Variants in HECW2 observed in about 807,000 individuals in gnomAD.
HECW2 encodes the protein E3 ubiquitin-protein ligase HECW2.
A neutral mutation model predicts 175.2 loss-of-function variants in HECW2; 61 were observed. The observed-to-expected ratio is 0.35, with a 90% CI of 0.28 to 0.43. The LOEUF is 0.43. Ranked by LOEUF, HECW2 falls within the 20% of genes least tolerant of loss-of-function variation. HECW2 has a pLI of 1.00. For missense variants in HECW2, 1,524 were observed against 2,000.5 expected, an observed-to-expected ratio of 0.76 and a Z score of 4.54; for synonymous variants, 671 against 731.0, an observed-to-expected ratio of 0.92 and a Z score of 1.32.
chr2:196,223,155 C>T (rs954090879), intron 23 of HECW2, among the ~76,000 whole-genome samples: 1 of 152,110 alleles, frequency 6.6e-6, no homozygotes, highest in Admixed American at 6.5e-5. Context: ...GTCACTACCC[C>T]CAGGAGCTAA....
intron 1 of HECW2, among the ~76,000 whole-genome samples, chr2:196,591,425 G>A (rs967384739): frequency 1.3e-5 from 2 of 152,158 alleles, no homozygotes; most frequent in Non-Finnish European, 2.9e-5. Flanking sequence ...GAAGCAGCAC[G>A]ATTATTTTTA....
At chr2:196,566,927 T>G (rs1310306728) in intron 1 of HECW2, among the ~76,000 whole-genome samples, 1 of 152,152 alleles carries the variant, frequency 6.6e-6, no homozygotes, top group Non-Finnish European at 1.5e-5. Context: ...TAAGTAACTC[T>G]GGCAGATTGC....
intron 1 of HECW2, among the ~76,000 whole-genome samples, chr2:196,583,394 A>G (rs1042761523): frequency 1.2e-4 from 19 of 152,206 alleles, no homozygotes; most frequent in Non-Finnish European, 2.5e-4. Flanking sequence ...AGTTCTGATG[A>G]TTTAAAATGA....
At chr2:196,536,075 T>A (rs1024335098) in intron 1 of HECW2, among the ~76,000 whole-genome samples, 7 of 152,178 alleles carry the variant, frequency 4.6e-5, no homozygotes, top group Non-Finnish European at 8.8e-5. Flanking sequence ...AAAGGTAATG[T>A]GTGCCCTTAG....
chr2:196,483,072 A>C (rs1686895031), intron 1 of HECW2, among the ~76,000 whole-genome samples: 1 of 146,780 alleles, frequency 6.8e-6, no homozygotes, highest in Admixed American at 6.9e-5. Context: ...AACATCCACA[A>C]TGTGTGTTGA....
intron 2 of HECW2, among the ~76,000 whole-genome samples, chr2:196,427,612 A>G (rs1419378610): frequency 6.6e-6 from 1 of 152,146 alleles, no homozygotes; most frequent in Admixed American, 6.5e-5. Context: ...TATTTGGTGC[A>G]CTTAGGAGGA....
intron 1 of HECW2, among the ~76,000 whole-genome samples, chr2:196,563,138 C>T (rs1690063046): frequency 6.6e-6 from 1 of 152,152 alleles, no homozygotes; most frequent in South Asian, 2.1e-4. Context: ...TTTCAGTTAT[C>T]ACTGAAACTA....
At chr2:196,479,465 C>G (rs1312267961) in intron 1 of HECW2, among the ~76,000 whole-genome samples, 3 of 152,168 alleles carry the variant, frequency 2.0e-5, no homozygotes, top group Non-Finnish European at 2.9e-5. Flanking sequence ...TCCAGTATTG[C>G]AGAACAGTGT....
At chr2:196,527,243 A>G (rs1295903927) in intron 1 of HECW2, among the ~76,000 whole-genome samples, 2 of 152,172 alleles carry the variant, frequency 1.3e-5, no homozygotes, top group African/African-American at 2.4e-5. Context: ...CCAATTTTCC[A>G]GGTGCGTCCG....
chr2:196,388,791 T>C lies in HECW2; in HGVS notation c.292+44341A>G, dbSNP rs146360634. On this transcript the variant is annotated intron_variant, in intron 2 of 28. Coordinates refer to ENST00000644978, the MANE Select transcript of HECW2 (RefSeq NM_001348768.2). The stretch of plus-strand genomic sequence containing the variant: ...TTGTCTAGGTATCAAAAGCAAAATA[T>C]TGTGGTAGTTTTTCAAAAGTGAAAA... Among the ~76,000 whole-genome samples, 51 of 152,324 alleles carry C rather than the reference T, an allele frequency of 3.3e-4. No homozygotes were observed. The East Asian group carries it at 7.9e-3, about 24-fold the overall frequency.
intron 2 of HECW2, among the ~76,000 whole-genome samples, chr2:196,423,339 T>A (rs1240405230): frequency 2.0e-5 from 3 of 152,134 alleles, no homozygotes; most frequent in African/African-American, 7.2e-5. Context: ...AGTTAAATTA[T>A]CTGCCCATGG....
At chr2:196,254,708 CT>C (rs1688987037) in intron 18 of HECW2, among the ~76,000 whole-genome samples, 1 of 152,160 alleles carries the variant, frequency 6.6e-6, no homozygotes, top group Admixed American at 6.5e-5. Context: ...TCCAATAAGA[CT>C]GTAGAAACTG....
At chr2:196,386,030 C>CT (rs1450605965) in intron 2 of HECW2, among the ~76,000 whole-genome samples, 1 of 152,118 alleles carries the variant, frequency 6.6e-6, no homozygotes, top group African/African-American at 2.4e-5. Flanking sequence ...AAAGGAGAAA[C>CT]TTAGGCTATA....
intron 1 of HECW2, among the ~76,000 whole-genome samples, chr2:196,542,757 G>A (rs1224889446): frequency 2.0e-5 from 3 of 150,540 alleles, no homozygotes; most frequent in African/African-American, 7.3e-5. Context: ...AGATATATAT[G>A]TGCATATATA....
At chr2:196,310,789 T>TGTGTGTGTGTGTGTGTG (rs1559030489) in intron 10 of HECW2, among the ~76,000 whole-genome samples, 3 of 151,432 alleles carry the variant, frequency 2.0e-5, no homozygotes, top group South Asian at 2.1e-4. Context: ...TGTGTGTGTG[T>TGTGTGTGTGTGTGTGTG]TTTGCACTGA....
intron 17 of HECW2, among the ~76,000 whole-genome samples, chr2:196,262,418 G>C (rs1441331173): frequency 6.6e-6 from 1 of 152,152 alleles, no homozygotes; most frequent in East Asian, 1.9e-4. Context: ...ATTATCATTT[G>C]GCTCTCTCTA....
intron 28 of HECW2, among the ~76,000 whole-genome samples, chr2:196,205,724 C>T (rs1687043655): frequency 6.6e-6 from 1 of 152,082 alleles, no homozygotes; most frequent in Admixed American, 6.5e-5. Context: ...GATTGTAATT[C>T]AGAAGGTTTG....
chr2:196,469,208 G>A (rs750407735), intron 1 of HECW2, among the ~76,000 whole-genome samples: 13 of 151,638 alleles, frequency 8.6e-5, no homozygotes, highest in Non-Finnish European at 1.3e-4. Context: ...AAGAGGAGCT[G>A]CCCCGCCTTA....
chr2:196,345,004 A>G (rs1292456522), intron 2 of HECW2, among the ~76,000 whole-genome samples: 1 of 152,190 alleles, frequency 6.6e-6, no homozygotes, highest in Non-Finnish European at 1.5e-5. Flanking sequence ...TGAAAAGCCA[A>G]AGAACTTTGG....
Sources: allele counts gnomAD v4.1 joint callset (sites outside exome capture counted in the v4.1 genomes callset), GRCh38; gene constraint gnomAD v4.1.1; transcripts MANE v1.5; gene names NCBI Gene and HGNC (gene_info 2026-07-23, HGNC 2026-07-21).